The following SH2D3C variants were observed in gnomAD, a reference collection of about 807,000 sequenced individuals.
The protein encoded by SH2D3C is SH2 domain containing 3C.
SH2D3C carries 25 observed loss-of-function variants against 75.2 expected under a neutral mutation model. The ratio of observed to expected loss-of-function variants is 0.33; its 90% CI spans 0.24 to 0.46. The LOEUF (loss-of-function observed/expected upper bound fraction) is 0.46. SH2D3C is among the 20% of genes least tolerant of loss of function. The probability of loss-of-function intolerance (pLI) is 1.00; values close to 1 mark genes in which losing one functional copy is unlikely to be tolerated. For missense variants in SH2D3C, 933 were observed against 1,165.3 expected (o/e 0.80, Z 2.90); for synonymous variants, 450 against 473.7 (o/e 0.95, Z 0.65).
At chr9:127,761,799 C>T (rs1845533396) in intron 2 of SH2D3C, 149 bp from the exon 3 acceptor site, 1 of 608,398 alleles carries the variant, frequency 1.6e-6, no homozygotes, top group Non-Finnish European at 2.9e-6. Context: ...ATCAGCTGGC[C>T]TGGCTCCTCC....
chr9:127,773,044 G>A (rs945717288), intron 2 of SH2D3C, among the ~76,000 whole-genome samples: 15 of 151,678 alleles, frequency 9.9e-5, no homozygotes, highest in African/African-American at 3.6e-4. Context: ...ATGTTAGCCA[G>A]GCTGTTTTCA....
At chr9:127,771,555 C>T (rs1487683833) in intron 2 of SH2D3C, 3 of 355,882 alleles carry the variant, frequency 8.4e-6, no homozygotes, top group East Asian at 1.0e-4. Flanking sequence ...ACGCTCGCTT[C>T]CCCAGCAGCT....
At position 127,774,702 on chromosome 9, in the gene SH2D3C, G is replaced by A. The variant is rs1845784897; in HGVS notation, c.38-235C>T. ...TTCACATCCTAGCTGTGTGACCTTA[G>A]GCAAGTCACTTGACCTCTCTAAGCT... On this transcript the variant is annotated intron_variant, in intron 1 of 11. Transcript: ENST00000314830. This position sits in a 1 kb window ranked among gnomAD's most constrained non-coding sequence, Gnocchi z 4.3. 6.6e-6 allele frequency among the ~76,000 whole-genome samples: 1 copy of A among 152,094 alleles called. No individual in the cohort carries two copies. The highest frequency in any genetic ancestry group is 2.4e-5 in the African/African-American group (1 of 41,416).
chr9:127,741,241 C>CT (rs71495658), intron 9 of SH2D3C, among the ~76,000 whole-genome samples: 4,209 of 137,564 alleles, frequency 0.031, 101 homozygotes, highest in Non-Finnish European at 0.043. Flanking sequence ...TCTTCTTATT[C>CT]TTTTTTTTTT....
chr9:127,744,835 G>A lies in SH2D3C; in HGVS notation c.1529C>T (p.Ala510Val), dbSNP rs142472912. 3.7e-5 allele frequency: 60 copies of A among 1,614,150 alleles called. No homozygotes were observed. Among genetic ancestry groups the A allele is most frequent in the Middle Eastern group, 1.6e-4 (1 of 6,062 alleles). Residue 510 changes from alanine to valine, a missense_variant, in exon 7 of 12, where the codon GCG becomes GTG. Ala to Val is a moderately conservative substitution (Grantham distance 64). Coordinates refer to ENST00000314830, the MANE Select transcript of SH2D3C (RefSeq NM_170600.3). ...PPVRGSREWAATETSSQQARS... is the reference protein window; with the variant it reads ...PPVRGSREWAVTETSSQQARS... The stretch of plus-strand genomic sequence containing the variant: ...GGCCTGCTGGCTGGAGGTCTCAGTC[G>A]CTGCCCACTCTCGGCTGCCACGCAC...
chr9:127,765,420 G>A (rs190038262), intron 2 of SH2D3C, among the ~76,000 whole-genome samples: 2 of 152,308 alleles, frequency 1.3e-5, no homozygotes, highest in East Asian at 3.9e-4. Context: ...CAGGAACTTA[G>A]TAAATATATT....
chr9:127,776,054 C>T (rs966989372), intron 1 of SH2D3C, among the ~76,000 whole-genome samples: 2 of 152,060 alleles, frequency 1.3e-5, no homozygotes, highest in Non-Finnish European at 2.9e-5. Context: ...GTCTCAAACT[C>T]CTGACCTCAA....
At chr9:127,762,483 T>C in intron 2 of SH2D3C, 1 of 486,240 alleles carries the variant, frequency 2.1e-6, no homozygotes, top group Admixed American at 2.4e-5. Flanking sequence ...CCTCCCCATC[T>C]TCCCCGTCTC....
intron 7 of SH2D3C, 147 bp from the exon 8 acceptor site, chr9:127,743,111 G>T: frequency 1.8e-6 from 1 of 560,792 alleles, no homozygotes; most frequent in Admixed American, 3.2e-5. Flanking sequence ...CTCTGATATG[G>T]AGCAAGTGAC....
intron 2 of SH2D3C, chr9:127,762,552 G>GC (rs1845554332): frequency 5.0e-6 from 2 of 399,848 alleles, no homozygotes; most frequent in Non-Finnish European, 1.0e-5. Context: ...GGTCCTTTGT[G>GC]CCCCGTCTTC....
Position 127,738,689 on chromosome 9 carries a change from G to T in SH2D3C, c.*57C>A. ...TCCTTGGGGTGCTCTGGGGAAAGTT[G>T]TGTGCCCCTCTGCCCCTGACGCTGT... On this transcript the variant is annotated 3_prime_UTR_variant, in exon 12 of 12. Coordinates refer to ENST00000314830, the MANE Select transcript of SH2D3C (RefSeq NM_170600.3). The surrounding 1 kb of genome is among the most constrained non-coding windows in gnomAD (Gnocchi z 5.0). 1.4e-6 allele frequency: 2 copies of T among 1,479,674 alleles called. No homozygotes were observed. The highest frequency in any genetic ancestry group is 9.1e-7 in the Non-Finnish European group (1 of 1,104,920). The allele number at this position is 1,479,674 out of a possible 1,614,324, so 91.7% of individuals were successfully genotyped here.
At chr9:127,778,488 G>A in intron 1 of SH2D3C, 103 bp downstream of exon 1, 1 of 960,930 alleles carries the variant, frequency 1.0e-6, no homozygotes, top group Non-Finnish European at 1.7e-6. Context: ...AAGAGTGAGA[G>A]AGAGAAAAAC....
intron 1 of SH2D3C, among the ~76,000 whole-genome samples, chr9:127,775,202 A>G (rs1187947524): frequency 6.6e-6 from 1 of 152,100 alleles, no homozygotes; most frequent in Non-Finnish European, 1.5e-5. Context: ...GACGATAATA[A>G]ATGTTTCTCA....
At chr9:127,760,559 A>G (rs888041680) in intron 3 of SH2D3C, among the ~76,000 whole-genome samples, 1 of 152,108 alleles carries the variant, frequency 6.6e-6, no homozygotes. Flanking sequence ...AAACCTGCAC[A>G]TTCTGCACAT....
chr9:127,746,147 C>A (rs902911646), intron 6 of SH2D3C, among the ~76,000 whole-genome samples: 2 of 152,196 alleles, frequency 1.3e-5, no homozygotes, highest in African/African-American at 4.8e-5. Context: ...GTCATTCTGG[C>A]AAGGAATTTT....
At chr9:127,761,125 G>C (rs1409238078) in intron 3 of SH2D3C, among the ~76,000 whole-genome samples, 1 of 152,198 alleles carries the variant, frequency 6.6e-6, no homozygotes, top group South Asian at 2.1e-4. Flanking sequence ...ACAAGCATGA[G>C]CCACCGTGCC....
intron 3 of SH2D3C, 58 bp downstream of exon 3, chr9:127,761,553 G>T: frequency 7.8e-7 from 1 of 1,276,298 alleles, no homozygotes. Context: ...CACCCGTAAT[G>T]GAGCAGGCTC....
At chr9:127,778,465 AC>A in intron 1 of SH2D3C, 125 bp downstream of exon 1, 1 of 866,596 alleles carries the variant, frequency 1.2e-6, no homozygotes, top group Non-Finnish European at 2.0e-6. Flanking sequence ...AAAGCAAAAA[AC>A]AAAAAAAGAA....
intron 5 of SH2D3C, among the ~76,000 whole-genome samples, chr9:127,748,608 G>C (rs1356102009): frequency 1.3e-5 from 2 of 152,206 alleles, no homozygotes; most frequent in African/African-American, 4.8e-5. Context: ...CACCTCCCAG[G>C]AGGAAATGGG....
Sources: allele counts gnomAD v4.1 joint callset (sites outside exome capture counted in the v4.1 genomes callset), GRCh38; gene constraint gnomAD v4.1.1; non-coding constraint Gnocchi (gnomAD v3.1); transcripts MANE v1.5; gene names NCBI Gene and HGNC (gene_info 2026-07-23, HGNC 2026-07-21).